USP10: variants seen among roughly 807,000 people sequenced by gnomAD.
USP10 encodes ubiquitin specific peptidase 10.
Under a neutral mutation model 84.5 loss-of-function variants are expected in USP10, and 22 were observed. The observed-to-expected ratio is 0.26, with a 90% CI of 0.19 to 0.37. The LOEUF (loss-of-function observed/expected upper bound fraction) is 0.37, where lower values mean the gene tolerates loss of function less well. Among genes scored for constraint, USP10 ranks in the 10% least tolerant of loss-of-function variants. The pLI is 1.00. For missense variants in USP10, 1,019 were observed against 998.9 expected (o/e 1.02, Z -0.27); for synonymous variants, 454 against 387.6 (o/e 1.17, Z -2.01).
intron 1 of USP10, among the ~76,000 whole-genome samples, chr16:84,725,341 G>C (rs1423821775): frequency 6.6e-6 from 1 of 152,148 alleles, no homozygotes; most frequent in Admixed American, 6.6e-5. Flanking sequence ...TGTTTTCAAA[G>C]TCATCCTGTT....
intron 4 of USP10, among the ~76,000 whole-genome samples, chr16:84,746,895 A>G (rs1456437751): frequency 1.3e-5 from 2 of 152,248 alleles, no homozygotes; most frequent in African/African-American, 4.8e-5. Flanking sequence ...CACTACAGCT[A>G]TACAAAAATA....
chr16:84,731,896 T>C (rs1381163664), intron 1 of USP10, among the ~76,000 whole-genome samples: 4 of 152,126 alleles, frequency 2.6e-5, no homozygotes, highest in Non-Finnish European at 4.4e-5. Context: ...CCAGTGTTGG[T>C]GATGAGAAGA....
At chr16:84,729,186 CA>C (rs35820091) in intron 1 of USP10, among the ~76,000 whole-genome samples, 1 of 152,208 alleles carries the variant, frequency 6.6e-6, no homozygotes, top group African/African-American at 2.4e-5. Context: ...TTGTTAAATA[CA>C]AAAATGATGT....
At chr16:84,716,618 C>G (rs541794543) in intron 1 of USP10, 1 of 152,266 alleles carries the variant, frequency 6.6e-6, no homozygotes, top group East Asian at 1.9e-4. Flanking sequence ...CTTTGAAGGA[C>G]AAGTAGGACT....
Position 84,754,329 on chromosome 16 carries a change from A to G in USP10, c.1193-4387A>G, listed in dbSNP as rs576455930. 3.2e-4 allele frequency among the ~76,000 whole-genome samples: 48 copies of G among 152,328 alleles called. 1 individual carries two copies. The South Asian group carries it at 3.9e-3, about 13-fold the overall frequency. ...TACAGTAACAGAATAATCATTAAGA[A>G]AAATCTAGGTTGTTCGTGTCTCTTC... On this transcript the variant is annotated intron_variant, in intron 4 of 13. Transcript: ENST00000219473.
chr16:84,744,476 A>T (rs1458680514), intron 3 of USP10, among the ~76,000 whole-genome samples, 157 bp from the exon 4 acceptor site: 1 of 152,110 alleles, frequency 6.6e-6, no homozygotes, highest in East Asian at 1.9e-4. Context: ...TAGTTGTTTC[A>T]TTTTCCGCAA....
intron 1 of USP10, among the ~76,000 whole-genome samples, chr16:84,730,542 C>T (rs1438557255): frequency 6.6e-6 from 1 of 152,090 alleles, no homozygotes; most frequent in East Asian, 1.9e-4. Flanking sequence ...CTCAGTGAAC[C>T]GTTTCTGAGC....
chr16:84,778,211 C>G (rs1256171991), intron 13 of USP10, among the ~76,000 whole-genome samples: 1 of 151,946 alleles, frequency 6.6e-6, no homozygotes, highest in East Asian at 1.9e-4. Flanking sequence ...CACCACAGCT[C>G]CACGCTCAAG....
At position 84,764,832 on chromosome 16, in the gene USP10, GAAAAA is replaced by G. The variant is rs896822687; in HGVS notation, c.1832+575_1832+579del. On this transcript the variant is annotated intron_variant, in intron 10 of 13. Transcript: ENST00000219473. Reference sequence around the variant, plus strand: ...GTGACAGAGTGAGACTCTGTCTCAAGAAAAAAAAAAGAAAAAGATACAGGAGAATG... The same window carrying G: ...GTGACAGAGTGAGACTCTGTCTCAAGAAAAAGAAAAAGATACAGGAGAATG... 4.1e-5 allele frequency among the ~76,000 whole-genome samples: 5 copies of G among 123,322 alleles called. No individual in the cohort carries two copies. In the East Asian group the frequency reaches 9.6e-4, roughly 24 times the overall value. 80.9% of individuals were successfully genotyped at this position (123,322 alleles called of 152,430 possible).
intron 2 of USP10, among the ~76,000 whole-genome samples, chr16:84,735,553 A>G (rs1909827611): frequency 6.6e-6 from 1 of 152,196 alleles, no homozygotes. Context: ...GAAAAAATGC[A>G]GAATGCTTAT....
chr16:84,751,314 G>A (rs1021139689), intron 4 of USP10, among the ~76,000 whole-genome samples: 1 of 152,192 alleles, frequency 6.6e-6, no homozygotes, highest in African/African-American at 2.4e-5. Flanking sequence ...CATTAAGCAT[G>A]GCTGTGTATC....
In USP10 at chr16:84,745,576, C is replaced by A; in HGVS notation, c.1095C>A (p.Ser365=). 1 of 1,610,544 alleles carries A rather than the reference C, an allele frequency of 6.2e-7. No individual in the cohort carries two copies. The highest frequency in any genetic ancestry group is 8.5e-7 in the Non-Finnish European group (1 of 1,178,274). The change falls in exon 4 of 14, where the codon TCC becomes TCA. Residue 365 remains serine, a synonymous_variant. Transcript: ENST00000219473. ...SPVAYVETKY[S]PPAISPLVSE... is the part of the protein sequence containing the mutation. ...TGGCCTATGTGGAAACTAAGTATTC[C>A]CCTCCCGCCATATCTCCCCTGGTTT...
intron 12 of USP10, among the ~76,000 whole-genome samples, chr16:84,774,901 C>T (rs759038616): frequency 3.3e-5 from 5 of 152,146 alleles, no homozygotes; most frequent in African/African-American, 4.8e-5. Context: ...TTTTAAGGGG[C>T]CTCCCACAGG....
At chr16:84,762,951 T>C (rs1417299129) in intron 8 of USP10, 38 bp from the exon 9 acceptor site, 10 of 1,335,482 alleles carry the variant, frequency 7.5e-6, no homozygotes, top group Non-Finnish European at 1.1e-5. Context: ...TTGACAGTGA[T>C]CAGTTCACAG....
At chr16:84,748,345 C>G (rs781486291) in intron 4 of USP10, among the ~76,000 whole-genome samples, 2 of 151,782 alleles carry the variant, frequency 1.3e-5, no homozygotes, top group South Asian at 4.2e-4. Context: ...ACTCTGTCGC[C>G]CAGGCCGGAA....
At chr16:84,747,122 C>T (rs780891711) in intron 4 of USP10, among the ~76,000 whole-genome samples, 2 of 152,162 alleles carry the variant, frequency 1.3e-5, no homozygotes, top group Admixed American at 6.5e-5. Context: ...TGTTACGCCG[C>T]GCGTGACTGT....
rs371723423 is a variant in USP10, at chr16:84,758,816, C to A, written c.1284+9C>A. ...GGTGCTACATTAATGCTGTATCCTTCCTGGACGCCGTCCGCAAGGCCAGCT... is the reference window on the plus strand; with the variant it reads ...GGTGCTACATTAATGCTGTATCCTTACTGGACGCCGTCCGCAAGGCCAGCT... On this transcript the variant is annotated intron_variant, in intron 5 of 13. Coordinates refer to ENST00000219473, the MANE Select transcript of USP10 (RefSeq NM_005153.3). 5 of 1,606,280 alleles carry A rather than the reference C, an allele frequency of 3.1e-6. No individual in the cohort carries two copies. The highest frequency in any genetic ancestry group is 3.4e-6 in the Non-Finnish European group (4 of 1,172,978).
intron 1 of USP10, among the ~76,000 whole-genome samples, chr16:84,711,028 CACTT>C (rs1368285582): frequency 6.6e-6 from 1 of 151,646 alleles, no homozygotes; most frequent in African/African-American, 2.4e-5. Context: ...GTGTGATACT[CACTT>C]ATTTTAGCGC....
In USP10 at chr16:84,745,455, A is replaced by C. The variant is rs776185687; in HGVS notation, c.974A>C (p.Asp325Ala). The change falls in exon 4 of 14, where the codon GAC becomes GCC. Residue 325 changes from aspartate to alanine, a missense_variant. By Grantham distance (126) the Asp-to-Ala change is moderately radical (BLOSUM62 -2). This residue lies in a region of USP10 where 787 missense variants were observed against 708.8 expected (regional missense o/e 1.11). Transcript: ENST00000219473. ...CCCGAGAGTGCATCACCTCCTGCTG[A>C]CGGCACGGGCTCTGCATCAGGCACC... ...TKPESASPPA[D>A]GTGSASGTLP... 5 of 1,613,632 alleles carry C rather than the reference A, an allele frequency of 3.1e-6. No homozygotes were observed. In the South Asian group the frequency reaches 4.4e-5, roughly 14 times the overall value.
Sources: gnomAD v4.1 joint callset for allele counts (sites outside exome capture counted in the v4.1 genomes callset) on GRCh38, gnomAD v4.1.1 for gene constraint, gnomAD v4.1.1 regional missense constraint, MANE v1.5 for transcripts, NCBI Gene and HGNC (gene_info 2026-07-23, HGNC 2026-07-21) for gene names.